Variants in MKLN1 observed in about 807,000 individuals in gnomAD.
MKLN1 encodes muskelin.
In MKLN1, 18 loss-of-function variants were observed where a neutral mutation model predicts 99.0. That is an observed-to-expected ratio of 0.18 (90% CI 0.13 to 0.27). The LOEUF (loss-of-function observed/expected upper bound fraction) is 0.27. MKLN1 is among the 10% of genes least tolerant of loss of function. The pLI is 1.00. For missense variants in MKLN1, 621 were observed against 875.9 expected (o/e 0.71, Z 3.67); for synonymous variants, 288 against 293.2 (o/e 0.98, Z 0.18).
At chr7:131,248,763 A>G (rs1021947713) in intron 3 of MKLN1, among the ~76,000 whole-genome samples, 1 of 152,198 alleles carries the variant, frequency 6.6e-6, no homozygotes, top group Non-Finnish European at 1.5e-5. Context: ...TGGATGGAAC[A>G]GGGATGAAGG....
chr7:131,242,672 G>A, intron 3 of MKLN1: 1 of 610,156 alleles, frequency 1.6e-6, no homozygotes, highest in Non-Finnish European at 3.1e-6. Context: ...TCATCGTGAA[G>A]AACATTGATG....
intron 5 of MKLN1, among the ~76,000 whole-genome samples, chr7:131,398,994 GT>G (rs1281723909): frequency 6.6e-6 from 1 of 152,156 alleles, no homozygotes; most frequent in African/African-American, 2.4e-5. Context: ...CTGGAATTAG[GT>G]TTGGTTTAAT....
At chr7:131,480,020 CAAA>C (rs1224471886) in intron 17 of MKLN1, among the ~76,000 whole-genome samples, 4 of 61,310 alleles carry the variant, frequency 6.5e-5, no homozygotes, top group African/African-American at 4.8e-5. Context: ...GACTCCATCT[CAAA>C]AAAAAAAAAA....
chr7:131,406,745 G>T, intron 6 of MKLN1, among the ~76,000 whole-genome samples: 1 of 152,024 alleles, frequency 6.6e-6, no homozygotes, highest in Non-Finnish European at 1.5e-5. Flanking sequence ...TTTGCTAGAT[G>T]TAGAATTCCA....
At chr7:131,362,257 A>AAATAGTATAGCGT (rs1800052387) in intron 1 of MKLN1, among the ~76,000 whole-genome samples, 1 of 152,010 alleles carries the variant, frequency 6.6e-6, no homozygotes, top group Non-Finnish European at 1.5e-5. Flanking sequence ...ACACAAACTT[A>AAATAGTATAGCGT]AATAGTATAG....
intron 3 of MKLN1, among the ~76,000 whole-genome samples, chr7:131,283,105 T>TTATATATA (rs1702088852): frequency 6.6e-6 from 1 of 152,182 alleles, no homozygotes; most frequent in South Asian, 2.1e-4. Flanking sequence ...TCAGTGTCAT[T>TTATATATA]TATGTTTATG....
chr7:131,280,110 A>G (rs1798029569), intron 3 of MKLN1, among the ~76,000 whole-genome samples: 1 of 152,144 alleles, frequency 6.6e-6, no homozygotes, highest in Admixed American at 6.6e-5. Flanking sequence ...TTCCAGGTTC[A>G]TCCATGTTGT....
intron 3 of MKLN1, among the ~76,000 whole-genome samples, chr7:131,258,421 A>C (rs1797688799): frequency 6.6e-6 from 1 of 151,212 alleles, no homozygotes; most frequent in Non-Finnish European, 1.5e-5. Flanking sequence ...AGTGGAAAAG[A>C]TAGGGTCAAA....
At chr7:131,383,525 C>T (rs560863197) in intron 2 of MKLN1, among the ~76,000 whole-genome samples, 80 of 152,186 alleles carry the variant, frequency 5.3e-4, no homozygotes, top group Non-Finnish European at 9.0e-4. Flanking sequence ...CTAGCAAACC[C>T]ACAGAATCAT....
chr7:131,247,609 A>G (rs1247453007), intron 3 of MKLN1, among the ~76,000 whole-genome samples: 1 of 152,122 alleles, frequency 6.6e-6, no homozygotes, highest in East Asian at 1.9e-4. Flanking sequence ...GACTGATGCC[A>G]CTTCCACCGC....
At chr7:131,433,231 TGTTTTTTA>T (rs1795578602) in intron 9 of MKLN1, among the ~76,000 whole-genome samples, 1 of 152,210 alleles carries the variant, frequency 6.6e-6, no homozygotes, top group African/African-American at 2.4e-5. Context: ...ACAGGGCAGT[TGTTTTTTA>T]GAGTATCCTT....
At position 131,487,964 on chromosome 7, in the gene MKLN1, A is replaced by AATATAT. The variant is rs150780881; in HGVS notation, c.*249_*254dup. 1 of 178,316 alleles carries AATATAT rather than the reference A, an allele frequency of 5.6e-6. No homozygotes were observed. The highest frequency in any genetic ancestry group is 2.4e-5 in the African/African-American group (1 of 41,606). 11.0% of individuals were successfully genotyped at this position (178,316 alleles called of 1,614,324 possible). A position where few individuals can be genotyped will look rare whatever the true frequency, so the allele number is the denominator to read the frequency against. Reference sequence around the variant, plus strand: ...GTGAAATTGGTATACTTTCCAGTTAAATATATATATATATATATTTTTTCT... The same window carrying AATATAT: ...GTGAAATTGGTATACTTTCCAGTTAAATATATATATATATATATATATATTTTTTCT... On this transcript the variant is annotated 3_prime_UTR_variant, in exon 18 of 18. Coordinates refer to ENST00000352689, the MANE Select transcript of MKLN1 (RefSeq NM_013255.5). The surrounding 1 kb of genome is among the most constrained non-coding windows in gnomAD (Gnocchi z 4.7).
chr7:131,335,427 G>A (rs1451280865), intron 1 of MKLN1, among the ~76,000 whole-genome samples: 1 of 152,038 alleles, frequency 6.6e-6, no homozygotes, highest in Non-Finnish European at 1.5e-5. Context: ...CATTATCTAG[G>A]AATAATTTAA....
chr7:131,409,989 G>C (rs1235413244), intron 6 of MKLN1, among the ~76,000 whole-genome samples: 1 of 151,850 alleles, frequency 6.6e-6, no homozygotes, highest in African/African-American at 2.4e-5. Flanking sequence ...TTTTCTGTAT[G>C]TCTCTTTAGA....
chr7:131,335,697 T>G, intron 1 of MKLN1, among the ~76,000 whole-genome samples: 1 of 30,354 alleles, frequency 3.3e-5, no homozygotes, highest in Admixed American at 4.0e-4. Context: ...ACCTGTAGGT[T>G]TTTTTTTTTT....
At chr7:131,484,970 G>A (rs773883616) in intron 17 of MKLN1, among the ~76,000 whole-genome samples, 5 of 152,012 alleles carry the variant, frequency 3.3e-5, no homozygotes, top group Non-Finnish European at 5.9e-5. Context: ...AACTATAATA[G>A]TGTAAAACAA....
At chr7:131,313,594 G>T (rs189050762) in intron 3 of MKLN1, among the ~76,000 whole-genome samples, 146 of 152,320 alleles carry the variant, frequency 9.6e-4, no homozygotes, top group Non-Finnish European at 1.5e-3. Context: ...ATATCTCAAA[G>T]TACAAGGAGA....
At chr7:131,140,374 T>C (rs376803927) in intron 1 of MKLN1, among the ~76,000 whole-genome samples, 1 of 152,168 alleles carries the variant, frequency 6.6e-6, no homozygotes, top group East Asian at 1.9e-4. Context: ...ATTTGTGTCC[T>C]CCAAACCTCA....
intron 7 of MKLN1, among the ~76,000 whole-genome samples, chr7:131,413,228 G>C (rs868031829): frequency 6.6e-6 from 1 of 152,160 alleles, no homozygotes; most frequent in Non-Finnish European, 1.5e-5. Flanking sequence ...TAACTATTAG[G>C]ATAAAGGATT....
Sources: gnomAD v4.1 joint callset for allele counts (sites outside exome capture counted in the v4.1 genomes callset) on GRCh38, gnomAD v4.1.1 for gene constraint, Gnocchi (gnomAD v3.1) non-coding constraint, MANE v1.5 for transcripts, NCBI Gene and HGNC (gene_info 2026-07-23, HGNC 2026-07-21) for gene names.